Variants in CLVS1 observed in about 807,000 individuals in gnomAD.
CLVS1 encodes clavesin-1.
Under a neutral mutation model 33.1 loss-of-function variants are expected in CLVS1, and 10 were observed. The ratio of observed to expected loss-of-function variants is 0.30; its 90% CI spans 0.19 to 0.51. The LOEUF is 0.51. Among genes scored for constraint, CLVS1 ranks in the 20% least tolerant of loss-of-function variants. CLVS1 has a pLI of 0.97. For synonymous variants in CLVS1, 163 were observed against 166.1 expected, an observed-to-expected ratio of 0.98 and a Z score of 0.14; for missense variants, 343 against 433.4, an observed-to-expected ratio of 0.79 and a Z score of 1.85.
intron 2 of CLVS1, among the ~76,000 whole-genome samples, chr8:61,302,770 G>A (rs1810482184): frequency 6.6e-6 from 1 of 152,222 alleles, no homozygotes; most frequent in Non-Finnish European, 1.5e-5. Context: ...AGGTTTAATT[G>A]ACTCACAGTT....
intron 2 of CLVS1, among the ~76,000 whole-genome samples, chr8:61,322,388 T>A (rs1304114713): frequency 6.6e-6 from 1 of 152,184 alleles, no homozygotes; most frequent in Non-Finnish European, 1.5e-5. Context: ...TAAATTGGTG[T>A]CATCCTTCCA....
rs148468886 is a variant in CLVS1, at chr8:61,107,307, G to A, written c.-242-24463G>A. On this transcript the variant is annotated intron_variant, in intron 1 of 2. Transcript: ENST00000522621. ...GAGACCCTTTTAGTTGGTTTGGACTGCTGTAACAAAATACCTTACACTGGA... is the reference window on the plus strand; with the variant it reads ...GAGACCCTTTTAGTTGGTTTGGACTACTGTAACAAAATACCTTACACTGGA... 2.6e-5 allele frequency among the ~76,000 whole-genome samples: 4 copies of A among 152,320 alleles called. No homozygotes were observed. In the East Asian group the frequency reaches 7.7e-4, roughly 29 times the overall value.
At chr8:61,217,734 GAGAAAATAT>G (rs1808120474) in intron 2 of CLVS1, among the ~76,000 whole-genome samples, 1 of 152,170 alleles carries the variant, frequency 6.6e-6, no homozygotes, top group Non-Finnish European at 1.5e-5. Context: ...CACAGAGTGG[GAGAAAATAT>G]TTGTAAACTA....
chr8:61,222,312 G>C (rs1335452446), intron 2 of CLVS1, among the ~76,000 whole-genome samples: 3 of 151,820 alleles, frequency 2.0e-5, no homozygotes, highest in Admixed American at 6.6e-5. Context: ...TTCTGATATG[G>C]GCATTTAGTG....
At position 61,359,725 on chromosome 8, in the gene CLVS1, A is replaced by G. The variant is rs185987592; in HGVS notation, c.456-16880A>G. Among the ~76,000 whole-genome samples, 290 of 152,352 alleles carry G rather than the reference A, an allele frequency of 1.9e-3. 1 individual carries two copies. The highest frequency in any genetic ancestry group is 6.5e-3 in the African/African-American group (271 of 41,586). ...GTATAAATATGACTGCATTTTACTA[A>G]TAGTCAACTGGGATCTTGAAGAAGT... is the stretch of plus-strand genomic sequence containing the variant. On this transcript the variant is annotated intron_variant, in intron 2 of 5. Transcript: ENST00000325897.
At chr8:61,447,294 G>T (rs1389353911) in intron 3 of CLVS1, among the ~76,000 whole-genome samples, 1 of 151,918 alleles carries the variant, frequency 6.6e-6, no homozygotes, top group East Asian at 1.9e-4. Context: ...GTTTCTTATG[G>T]ACAGCATATA....
the CLVS1 span, among the ~76,000 whole-genome samples, chr8:61,044,225 A>G: frequency 1.3e-5 from 2 of 152,210 alleles, no homozygotes; most frequent in Non-Finnish European, 2.9e-5. Flanking sequence ...AAGGAGTTAC[A>G]GCATAGAACC....
chr8:61,202,301 C>A, intron 2 of CLVS1: 1 of 644,504 alleles, frequency 1.6e-6, no homozygotes, highest in South Asian at 1.8e-5. Context: ...GAGCAGCATT[C>A]GTTTATCTTC....
rs184430307 is a variant in CLVS1, at chr8:61,448,036, C to T, written c.631-6105C>T. On this transcript the variant is annotated intron_variant, in intron 3 of 5. Transcript: ENST00000325897. ...CATTTTTACTAGAATTCTGGGTTGACAGTTCCTTTTTTTCAGTACCTGAAA... is the reference window on the plus strand; with the variant it reads ...CATTTTTACTAGAATTCTGGGTTGATAGTTCCTTTTTTTCAGTACCTGAAA... Among the ~76,000 whole-genome samples the T allele has an allele frequency of 2.6e-3, 395 of 152,114 alleles. 1 individual carries two copies. Among genetic ancestry groups the T allele is most frequent in the African/African-American group, 8.6e-3 (357 of 41,488 alleles).
At chr8:61,468,711 A>G (rs1240234099) in intron 5 of CLVS1, among the ~76,000 whole-genome samples, 1 of 126,896 alleles carries the variant, frequency 7.9e-6, no homozygotes, top group East Asian at 2.4e-4. Flanking sequence ...TATAAGTAAA[A>G]GTACTAAAAA....
At chr8:61,048,709 A>G in the CLVS1 span, among the ~76,000 whole-genome samples, 1 of 152,112 alleles carries the variant, frequency 6.6e-6, no homozygotes, top group Admixed American at 6.5e-5. Context: ...ATCACTCTGC[A>G]GTTCTGTTTA....
At chr8:61,193,586 G>C (rs371714236) in intron 2 of CLVS1, among the ~76,000 whole-genome samples, 1 of 152,062 alleles carries the variant, frequency 6.6e-6, no homozygotes, top group East Asian at 1.9e-4. Context: ...ACAAAAGTCA[G>C]AAGACGAGGA....
chr8:61,389,625 A>G (rs533810972), intron 3 of CLVS1, among the ~76,000 whole-genome samples: 6 of 152,322 alleles, frequency 3.9e-5, no homozygotes, highest in Non-Finnish European at 8.8e-5. Context: ...AGAAAGCACT[A>G]TGACTGAGGC....
intron 2 of CLVS1, among the ~76,000 whole-genome samples, chr8:61,333,483 G>A (rs1470220007): frequency 6.6e-6 from 1 of 152,144 alleles, no homozygotes; most frequent in Non-Finnish European, 1.5e-5. Flanking sequence ...TAGAAACATT[G>A]AGTTTCAAAA....
At chr8:61,122,898 C>T (rs1245617210) in intron 1 of CLVS1, among the ~76,000 whole-genome samples, 1 of 144,862 alleles carries the variant, frequency 6.9e-6, no homozygotes, top group Non-Finnish European at 1.5e-5. Context: ...TCTTAATGTT[C>T]GTGGTTTCTT....
intron 2 of CLVS1, among the ~76,000 whole-genome samples, chr8:61,318,082 C>A (rs1407108202): frequency 2.0e-5 from 3 of 152,112 alleles, no homozygotes; most frequent in African/African-American, 7.2e-5. Context: ...CTCCTTTTTG[C>A]TTAAATTATG....
intron 2 of CLVS1, among the ~76,000 whole-genome samples, chr8:61,334,067 T>C (rs927229875): frequency 6.6e-6 from 1 of 152,228 alleles, no homozygotes; most frequent in Non-Finnish European, 1.5e-5. Context: ...TTCCATAGTG[T>C]ATATGTACCA....
At chr8:61,127,155 A>G (rs1805990624) in intron 1 of CLVS1, among the ~76,000 whole-genome samples, 1 of 152,036 alleles carries the variant, frequency 6.6e-6, no homozygotes, top group African/African-American at 2.4e-5. Context: ...TTTTAACAAG[A>G]TATGGAATCA....
At chr8:61,096,115 AT>A (rs533222066) in intron 1 of CLVS1, among the ~76,000 whole-genome samples, 4 of 151,366 alleles carry the variant, frequency 2.6e-5, no homozygotes, top group African/African-American at 4.9e-5. Flanking sequence ...AATTCCACGT[AT>A]TTTTTTTTCT....
Sources: gnomAD v4.1 joint callset for allele counts (sites outside exome capture counted in the v4.1 genomes callset) on GRCh38, gnomAD v4.1.1 for gene constraint, MANE v1.5 for transcripts, NCBI Gene and HGNC (gene_info 2026-07-23, HGNC 2026-07-21) for gene names.